ZMYM2: variants seen among roughly 807,000 people sequenced by gnomAD.
ZMYM2 encodes the protein zinc finger MYM-type containing 2.
ZMYM2 carries 56 observed loss-of-function variants against 162.8 expected under a neutral mutation model. The observed-to-expected ratio is 0.34, with a 90% CI of 0.28 to 0.43. ZMYM2 has a LOEUF of 0.43. Ranked by LOEUF, ZMYM2 falls within the 20% of genes least tolerant of loss-of-function variation. ZMYM2 has a pLI of 1.00. For missense variants in ZMYM2, 1,275 were observed against 1,621.8 expected (o/e 0.79, Z 3.67); for synonymous variants, 510 against 541.6 (o/e 0.94, Z 0.81).
chr13:19,968,187 C>T (rs138323567), intron 2 of ZMYM2, among the ~76,000 whole-genome samples: 1 of 152,226 alleles, frequency 6.6e-6, no homozygotes, highest in East Asian at 1.9e-4. Flanking sequence ...AAAATTTTTG[C>T]TTCTGGGGCT....
chr13:19,983,082 A>G (rs1478599918), intron 2 of ZMYM2, among the ~76,000 whole-genome samples: 1 of 152,166 alleles, frequency 6.6e-6, no homozygotes, highest in Non-Finnish European at 1.5e-5. Flanking sequence ...TTTTTCAGGT[A>G]AATCTTCCGG....
chr13:20,055,753 G>A (rs575485177), intron 14 of ZMYM2, among the ~76,000 whole-genome samples: 20 of 152,104 alleles, frequency 1.3e-4, no homozygotes, highest in Non-Finnish European at 1.2e-4. Flanking sequence ...CTAAGGAAAA[G>A]ATACAATAAT....
the ZMYM2 span, among the ~76,000 whole-genome samples, chr13:19,937,723 G>T: frequency 0.02 from 2,999 of 150,700 alleles, 94 homozygotes; most frequent in African/African-American, 0.068. Flanking sequence ...GTGCCATGTT[G>T]GTGTGCTGCA....
chr13:19,951,256 C>T, the ZMYM2 span, among the ~76,000 whole-genome samples: 6 of 151,956 alleles, frequency 3.9e-5, no homozygotes, highest in Admixed American at 2.0e-4. Flanking sequence ...GCTTCTGTAT[C>T]GTAAAGGAAA....
At chr13:19,885,030 C>T in the ZMYM2 span, among the ~76,000 whole-genome samples, 12 of 152,126 alleles carry the variant, frequency 7.9e-5, 1 homozygote, top group Admixed American at 7.9e-4. Flanking sequence ...TATTTATAAT[C>T]CTTTAGCTAG....
chr13:20,027,181 A>G (rs2140261387), intron 8 of ZMYM2, 22 bp from the exon 9 acceptor site: 1 of 1,520,604 alleles, frequency 6.6e-7, no homozygotes, highest in Non-Finnish European at 8.9e-7. Context: ...AACAAATCAG[A>G]TATGTACCTT....
chr13:20,057,252 G>A (rs1050707285), intron 14 of ZMYM2, among the ~76,000 whole-genome samples: 3 of 151,936 alleles, frequency 2.0e-5, no homozygotes, highest in Admixed American at 1.3e-4. Flanking sequence ...AGAGGTGGGC[G>A]CCACCATGTC....
At chr13:20,049,751 G>A (rs1955144399) in intron 12 of ZMYM2, among the ~76,000 whole-genome samples, 1 of 151,958 alleles carries the variant, frequency 6.6e-6, no homozygotes, top group African/African-American at 2.4e-5. Context: ...TGTTGTGAAG[G>A]TTTATAGAGA....
At chr13:20,080,426 C>G (rs1276034930) in intron 21 of ZMYM2, among the ~76,000 whole-genome samples, 1 of 151,166 alleles carries the variant, frequency 6.6e-6, no homozygotes, top group African/African-American at 2.4e-5. Flanking sequence ...TTAAAATAGG[C>G]TTTTTGTAGA....
At chr13:19,944,357 ACT>A in the ZMYM2 span, among the ~76,000 whole-genome samples, 1 of 152,196 alleles carries the variant, frequency 6.6e-6, no homozygotes, top group Non-Finnish European at 1.5e-5. Flanking sequence ...CTGTAATCTG[ACT>A]CTGTTAATGA....
At chr13:19,903,015 G>A in the ZMYM2 span, among the ~76,000 whole-genome samples, 7 of 151,846 alleles carry the variant, frequency 4.6e-5, no homozygotes, top group Admixed American at 1.3e-4. Flanking sequence ...AATTAGCCAG[G>A]CATGGTGGTG....
chr13:20,031,612 A>T (rs1321429560), intron 10 of ZMYM2, among the ~76,000 whole-genome samples, 177 bp downstream of exon 10: 1 of 148,564 alleles, frequency 6.7e-6, no homozygotes, highest in Non-Finnish European at 1.5e-5. Flanking sequence ...CAAAGGATCT[A>T]TGTCTTTTTA....
the ZMYM2 span, among the ~76,000 whole-genome samples, chr13:19,919,120 C>A: frequency 4.0e-5 from 6 of 150,150 alleles, no homozygotes; most frequent in Non-Finnish European, 7.4e-5. Flanking sequence ...AGTCTGTAAC[C>A]TTTTGAGACT....
At chr13:19,931,082 T>C in the ZMYM2 span, among the ~76,000 whole-genome samples, 8 of 147,878 alleles carry the variant, frequency 5.4e-5, no homozygotes, top group South Asian at 6.3e-4. Context: ...GAGCTTGCAG[T>C]GAGCCGAGAT....
chr13:19,888,512 C>T, the ZMYM2 span, among the ~76,000 whole-genome samples: 1 of 151,812 alleles, frequency 6.6e-6, no homozygotes, highest in African/African-American at 2.4e-5. Context: ...ATATAGGAAA[C>T]TGATCTGTTA....
the ZMYM2 span, among the ~76,000 whole-genome samples, chr13:19,943,063 C>T: frequency 6.6e-6 from 1 of 152,094 alleles, no homozygotes; most frequent in South Asian, 2.1e-4. Flanking sequence ...TGGGCCATAC[C>T]GACCGACAGC....
At chr13:19,970,825 A>G (rs985533535) in intron 2 of ZMYM2, among the ~76,000 whole-genome samples, 4 of 152,178 alleles carry the variant, frequency 2.6e-5, no homozygotes, top group African/African-American at 9.7e-5. Flanking sequence ...AGCTGAGGAA[A>G]TGAGTATGAT....
the ZMYM2 span, among the ~76,000 whole-genome samples, chr13:19,923,663 CTTTTTTTTTT>C: frequency 1.9e-4 from 14 of 72,042 alleles, no homozygotes; most frequent in South Asian, 6.3e-4. Context: ...CCTGTAGGGA[CTTTTTTTTTT>C]TTTTTTTTTT....
intron 19 of ZMYM2, among the ~76,000 whole-genome samples, chr13:20,065,731 G>A (rs777813026): frequency 2.6e-5 from 4 of 152,140 alleles, no homozygotes; most frequent in Non-Finnish European, 5.9e-5. Flanking sequence ...AGCTATGATC[G>A]TGCCACTGCA....
Sources: allele counts gnomAD v4.1 joint callset (sites outside exome capture counted in the v4.1 genomes callset), GRCh38; gene constraint gnomAD v4.1.1; transcripts MANE v1.5; gene names NCBI Gene and HGNC (gene_info 2026-07-23, HGNC 2026-07-21).